Variants in HK1 observed in about 807,000 individuals in gnomAD.
HK1 encodes hexokinase-1.
HK1 carries 28 observed loss-of-function variants against 91.6 expected under a neutral mutation model. The ratio of observed to expected loss-of-function variants is 0.31; its 90% confidence interval spans 0.23 to 0.42. The LOEUF (loss-of-function observed/expected upper bound fraction) is 0.42, where lower values mean the gene tolerates loss of function less well. Ranked by LOEUF, HK1 falls within the 10% of genes least tolerant of loss-of-function variation. HK1 has a pLI of 1.00. For missense variants in HK1, 770 were observed against 1,219.8 expected (o/e 0.63, Z 5.49); for synonymous variants, 430 against 468.1 (o/e 0.92, Z 1.05).
intron 3 of HK1, chr10:69,295,520 G>A: frequency 1.3e-6 from 1 of 763,924 alleles, no homozygotes. Flanking sequence ...AAGGTTACTT[G>A]TAATTACTTT....
intron 5 of HK1, among the ~76,000 whole-genome samples, chr10:69,302,878 T>A (rs1845949409): frequency 6.6e-6 from 1 of 151,916 alleles, no homozygotes; most frequent in African/African-American, 2.4e-5. Flanking sequence ...CCCATGGGAG[T>A]GGAAGGAGTT....
chr10:69,314,464 G>T (rs1166809486), upstream of HK1, among the ~76,000 whole-genome samples: 1 of 152,146 alleles, frequency 6.6e-6, no homozygotes. Flanking sequence ...TTTAGGACAG[G>T]CTGTGCATGA....
At chr10:69,335,121 G>T (rs748448244) in intron 1 of HK1, among the ~76,000 whole-genome samples, 23 of 152,160 alleles carry the variant, frequency 1.5e-4, no homozygotes, top group Non-Finnish European at 3.1e-4. Flanking sequence ...CCTGCTCAGA[G>T]ACCGGCTGCC....
At chr10:69,326,151 T>C (rs955946599) in intron 1 of HK1, among the ~76,000 whole-genome samples, 3 of 151,416 alleles carry the variant, frequency 2.0e-5, no homozygotes, top group African/African-American at 7.3e-5. Context: ...TTTTTTTTAA[T>C]GGCTTTTTGT....
chr10:69,350,526 G>C (rs1848793572), intron 2 of HK1, among the ~76,000 whole-genome samples: 2 of 151,958 alleles, frequency 1.3e-5, no homozygotes, highest in South Asian at 4.1e-4. Flanking sequence ...GTTGGGCGTG[G>C]TGGTGCATGC....
At chr10:69,310,008 C>T (rs1022098343) in intron 5 of HK1, among the ~76,000 whole-genome samples, 2 of 149,742 alleles carry the variant, frequency 1.3e-5, no homozygotes, top group Non-Finnish European at 3.0e-5. Context: ...CGGGATCACG[C>T]TACTGCACTC....
At chr10:69,290,528 C>T (rs114143339) in intron 3 of HK1, among the ~76,000 whole-genome samples, 3,444 of 152,180 alleles carry the variant, frequency 0.023, 138 homozygotes, top group African/African-American at 0.078. Flanking sequence ...AACAGAATTT[C>T]ACTCTTATTG....
intron 4 of HK1, among the ~76,000 whole-genome samples, chr10:69,296,885 C>T (rs1380551859): frequency 1.3e-5 from 2 of 152,086 alleles, no homozygotes; most frequent in Non-Finnish European, 2.9e-5. Context: ...GGAGCTTGAG[C>T]TGGAGGAAGC....
intron 1 of HK1, among the ~76,000 whole-genome samples, chr10:69,342,196 A>AACAAACAAACACACAC (rs139012850): frequency 4.0e-5 from 6 of 151,562 alleles, no homozygotes; most frequent in Non-Finnish European, 8.8e-5. Flanking sequence ...CAAACAAACA[A>AACAAACAAACACACAC]AGGAAAAAAC....
chr10:69,274,443 CA>C (rs1190910284), intron 1 of HK1, among the ~76,000 whole-genome samples: 1 of 151,946 alleles, frequency 6.6e-6, no homozygotes, highest in Non-Finnish European at 1.5e-5. Flanking sequence ...ACCAAAAATA[CA>C]AAAAGTAGCT....
intron 4 of HK1, among the ~76,000 whole-genome samples, chr10:69,368,285 T>C (rs570563050): frequency 6.6e-6 from 1 of 152,370 alleles, no homozygotes; most frequent in East Asian, 1.9e-4. Context: ...CCACTTGCTT[T>C]CTTCTGGAGT....
rs192790587 is a variant in HK1, at chr10:69,287,849, C to T, written c.-214-822C>T. The stretch of plus-strand genomic sequence containing the variant: ...AGTTATAGGGTGAGATTTTAAAAGT[C>T]GTAAGTAGACTGAATGCAGTGGCTT... On this transcript the variant is annotated intron_variant, in intron 2 of 21. Transcript: ENST00000360289. 1.4e-3 allele frequency among the ~76,000 whole-genome samples: 212 copies of T among 151,984 alleles called. 2 individuals carry two copies. Among genetic ancestry groups the T allele is most frequent in the African/African-American group, 4.7e-3 (194 of 41,436 alleles).
chr10:69,334,412 G>A (rs938037949), intron 1 of HK1, among the ~76,000 whole-genome samples: 4 of 152,168 alleles, frequency 2.6e-5, no homozygotes, highest in African/African-American at 7.2e-5. Context: ...TGGGAATCCC[G>A]ATTATCTTTA....
chr10:69,276,206 T>C (rs372397238), intron 1 of HK1, among the ~76,000 whole-genome samples: 3 of 148,312 alleles, frequency 2.0e-5, no homozygotes, highest in East Asian at 3.9e-4. Flanking sequence ...TGTTTTGTTG[T>C]TCAAATCTTT....
chr10:69,303,791 A>G (rs1349595177), intron 5 of HK1, among the ~76,000 whole-genome samples: 1 of 152,240 alleles, frequency 6.6e-6, no homozygotes, highest in Non-Finnish European at 1.5e-5. Context: ...ATTCACTCAG[A>G]GTCACCTTTG....
chr10:69,324,108 G>T (rs1379462048), intron 1 of HK1, among the ~76,000 whole-genome samples: 2 of 152,156 alleles, frequency 1.3e-5, no homozygotes, highest in Non-Finnish European at 2.9e-5. Context: ...CTGGGCTCAG[G>T]CAGTCCTCCC....
intron 15 of HK1, among the ~76,000 whole-genome samples, chr10:69,393,424 G>A (rs963441138): frequency 3.3e-5 from 5 of 152,002 alleles, no homozygotes; most frequent in African/African-American, 1.2e-4. Flanking sequence ...AGCCTCCCAG[G>A]TAGCTGGGAT....
intron 1 of HK1, among the ~76,000 whole-genome samples, chr10:69,320,223 C>T (rs1005139551): frequency 3.3e-5 from 5 of 152,150 alleles, no homozygotes; most frequent in Admixed American, 6.5e-5. Context: ...CTCCCAGTGC[C>T]TCCACCCAGG....
chr10:69,384,361 T>C lies in HK1; in HGVS notation c.1599T>C (p.Leu533=), dbSNP rs369881116. 53 of 1,614,148 alleles carry C rather than the reference T, an allele frequency of 3.3e-5. No individual in the cohort carries two copies. The highest frequency in any genetic ancestry group is 4.4e-5 in the Non-Finnish European group (52 of 1,180,054). ...ATGGTGACTTCTTGGCCCTGGATCT[T>C]GGAGGAACCAATTTCCGTGTGCTGC... ...TENGDFLALD[L]GGTNFRVLLV... Residue 533 remains leucine, a synonymous_variant, in exon 11 of 18, where the codon CTT becomes CTC. Transcript: ENST00000359426.
Sources: gnomAD v4.1 joint callset for allele counts (sites outside exome capture counted in the v4.1 genomes callset) on GRCh38, gnomAD v4.1.1 for gene constraint, MANE v1.5 for transcripts, NCBI Gene and HGNC (gene_info 2026-07-23, HGNC 2026-07-21) for gene names.